Variants in MYOF observed in about 807,000 individuals in gnomAD.
MYOF encodes the protein myoferlin.
MYOF carries 244 observed loss-of-function variants against 284.2 expected under a neutral mutation model. The observed-to-expected ratio is 0.86, with a 90% CI of 0.77 to 0.95. The LOEUF (loss-of-function observed/expected upper bound fraction) is 0.95, where lower values mean the gene tolerates loss of function less well. Among genes scored for constraint, MYOF ranks in the 40% least tolerant of loss-of-function variants. The pLI, the probability that MYOF is intolerant of heterozygous loss-of-function variation, is 0.00. For missense variants in MYOF, 2,496 were observed against 2,560.6 expected, an observed-to-expected ratio of 0.97 and a Z score of 0.54; for synonymous variants, 904 against 919.7, an observed-to-expected ratio of 0.98 and a Z score of 0.31.
At chr10:93,436,381 T>C (rs1276397286) in intron 3 of MYOF, among the ~76,000 whole-genome samples, 2 of 152,210 alleles carry the variant, frequency 1.3e-5, no homozygotes, top group Non-Finnish European at 2.9e-5. Flanking sequence ...CTTTTAGAAA[T>C]CTTTAGTTCC....
chr10:93,371,061 G>A (rs1340381035), intron 24 of MYOF, among the ~76,000 whole-genome samples: 4 of 128,120 alleles, frequency 3.1e-5, no homozygotes, highest in Non-Finnish European at 4.7e-5. Flanking sequence ...TGATTTCAAA[G>A]TGTGTTTTTT....
At chr10:93,323,412 G>T (rs1842920045) in intron 46 of MYOF, 54 bp from the exon 47 acceptor site, 2 of 1,441,884 alleles carry the variant, frequency 1.4e-6, no homozygotes, top group Non-Finnish European at 9.5e-7. Flanking sequence ...GGTAGCAGAA[G>T]TCACAATTTT....
intron 44 of MYOF, 94 bp downstream of exon 44, chr10:93,329,570 A>T: frequency 7.7e-7 from 1 of 1,306,420 alleles, no homozygotes; most frequent in Non-Finnish European, 1.1e-6. Context: ...GCAGTGGCTC[A>T]GTGAAGGAAG....
chr10:93,439,030 A>G (rs2056163381), intron 3 of MYOF, among the ~76,000 whole-genome samples: 1 of 152,152 alleles, frequency 6.6e-6, no homozygotes, highest in African/African-American at 2.4e-5. Context: ...TCTCGCCTCT[A>G]CTTTTAGCTC....
In MYOF at chr10:93,421,305, A is replaced by G. The variant is rs529124813; in HGVS notation, c.433+4766T>C. On this transcript the variant is annotated intron_variant, in intron 5 of 53. Transcript: ENST00000359263. The stretch of plus-strand genomic sequence containing the variant: ...TCCTGCTTATGTCATTAAGGTATGC[A>G]ATGCCAAGAGGTATGGCTGTCTTGC... 2.0e-5 allele frequency among the ~76,000 whole-genome samples: 3 copies of G among 152,316 alleles called. No homozygotes were observed. The South Asian group carries it at 6.2e-4, about 32-fold the overall frequency.
At position 93,349,872 on chromosome 10, in the gene MYOF, G is replaced by A. The variant is rs780384647; in HGVS notation, c.4019C>T (p.Ser1340Leu). ...VVECGGERVE[S>L]VVIKNLKKTP... ...CTTCTTAAGGTTTTTGATCACCACC[G>A]ATTCCACCCTTTCTCCTCCACACTC... Residue 1340 changes from serine to leucine, a missense_variant, in exon 36 of 54, where the codon TCG (serine) becomes TTG (leucine). Ser to Leu is a moderately radical substitution (Grantham distance 145). This residue lies in a region of MYOF where 2,436 missense variants were observed against 2,480.7 expected (regional missense o/e 0.98). Coordinates refer to ENST00000359263, the MANE Select transcript of MYOF (RefSeq NM_013451.4). 1.3e-5 allele frequency: 21 copies of A among 1,613,930 alleles called. No individual in the cohort carries two copies. The Admixed American group carries it at 2.3e-4, about 18-fold the overall frequency.
Position 93,359,961 on chromosome 10 carries a change from T to C in MYOF, c.2992A>G (p.Thr998Ala), listed in dbSNP as rs1844991681. The change falls in exon 29 of 54, where the codon ACC becomes GCC. Residue 998 changes from threonine (T) to alanine (A), a missense_variant. Thr to Ala is a moderately conservative substitution (Grantham distance 58). Around this residue, in one of 3 missense-constraint regions of MYOF, gnomAD observed 2,436 missense variants for 2,480.7 expected, o/e 0.98. Coordinates refer to ENST00000359263, the MANE Select transcript of MYOF (RefSeq NM_013451.4). ...VDEKGWEYGI[T>A]IPPDHKPKSW... ...TTGGGCTTATGATCAGGAGGAATGG[T>C]GATTCCATATTCCCAGCCTGGAACA... 2 of 1,614,090 alleles carry C rather than the reference T, an allele frequency of 1.2e-6. No homozygotes were observed. Among genetic ancestry groups the C allele is most frequent in the Admixed American group, 3.3e-5 (2 of 60,006 alleles).
At chr10:93,310,486 T>G (rs1412199553) in intron 52 of MYOF, 48 bp downstream of exon 52, 1 of 1,578,286 alleles carries the variant, frequency 6.3e-7, no homozygotes, top group Admixed American at 1.7e-5. Context: ...AGGGGGGCTC[T>G]CAGCCTGCAG....
At chr10:93,393,002 T>C in intron 16 of MYOF, 47 bp from the exon 17 acceptor site, 1 of 1,508,334 alleles carries the variant, frequency 6.6e-7, no homozygotes, top group Non-Finnish European at 9.2e-7. Flanking sequence ...ACACGGGCAT[T>C]ATAAAACAGA....
At chr10:93,376,391 G>T (rs1845836251) in intron 22 of MYOF, among the ~76,000 whole-genome samples, 1 of 152,162 alleles carries the variant, frequency 6.6e-6, no homozygotes, top group Admixed American at 6.5e-5. Flanking sequence ...GGCAAACCCA[G>T]CTCTGGGCAT....
Position 93,396,044 on chromosome 10 carries a change from C to T in MYOF, c.1417+98G>A, listed in dbSNP as rs188952526. 9 of 889,926 alleles carry T rather than the reference C, an allele frequency of 1.0e-5. No individual in the cohort carries two copies. The African/African-American group carries it at 1.5e-4, about 15-fold the overall frequency. The allele number at this position is 889,926 out of a possible 1,614,324, so 55.1% of individuals were successfully genotyped here. ...TTCATCACATTTGGCTTCTAAGAAA[C>T]CAAACCTACTGTGAGGTGGCTACCC... is the stretch of plus-strand genomic sequence containing the variant. On this transcript the variant is annotated intron_variant, in intron 16 of 53. Transcript: ENST00000359263.
intron 43 of MYOF, among the ~76,000 whole-genome samples, chr10:93,332,065 T>C (rs1843332191): frequency 1.3e-5 from 2 of 152,134 alleles, no homozygotes; most frequent in Admixed American, 6.5e-5. Flanking sequence ...CCCACCTCTA[T>C]TAATAGAGCT....
At chr10:93,377,810 T>C (rs184763068) in intron 21 of MYOF, among the ~76,000 whole-genome samples, 46 of 152,254 alleles carry the variant, frequency 3.0e-4, no homozygotes, top group African/African-American at 9.9e-4. Flanking sequence ...AGTAAATATA[T>C]TGAGGATAAC....
At chr10:93,451,985 C>A (rs1268029182) in intron 3 of MYOF, 65 bp downstream of exon 3, 33 of 1,164,772 alleles carry the variant, frequency 2.8e-5, no homozygotes, top group Non-Finnish European at 3.9e-5. Context: ...TGTGTCTCTT[C>A]AACAAAATAA....
rs113854100 is a variant in MYOF, at chr10:93,468,348, A to C, written c.89-11411T>G. Among the ~76,000 whole-genome samples, 209 of 152,336 alleles carry C rather than the reference A, an allele frequency of 1.4e-3. 2 individuals carry two copies. The highest frequency in any genetic ancestry group is 4.7e-3 in the African/African-American group (194 of 41,584). ...CCCGAGTGTCCTCTAAAAAGGGGAT[A>C]CAAAAGCCCACCTGGTAGAATTGCA... On this transcript the variant is annotated intron_variant, in intron 1 of 53. Coordinates refer to ENST00000359263, the MANE Select transcript of MYOF (RefSeq NM_013451.4).
intron 53 of MYOF, among the ~76,000 whole-genome samples, 195 bp from the exon 54 acceptor site, chr10:93,307,196 G>GCC (rs983221006): frequency 5.8e-4 from 62 of 107,220 alleles, no homozygotes; most frequent in African/African-American, 2.0e-3. Flanking sequence ...GCACCCCCCC[G>GCC]CCAAGTTGTT....
chr10:93,343,955 A>T, intron 37 of MYOF, 23 bp from the exon 38 acceptor site: 1 of 1,613,512 alleles, frequency 6.2e-7, no homozygotes, highest in Non-Finnish European at 8.5e-7. Context: ...TACTTTCTTA[A>T]TCTAAGATAC....
At chr10:93,447,459 A>C (rs753930638) in intron 3 of MYOF, among the ~76,000 whole-genome samples, 4 of 152,156 alleles carry the variant, frequency 2.6e-5, no homozygotes, top group Non-Finnish European at 5.9e-5. Context: ...TCTTTGTGAT[A>C]GTTTAAGCCC....
At chr10:93,437,647 C>T (rs554877203) in intron 3 of MYOF, among the ~76,000 whole-genome samples, 38 of 152,336 alleles carry the variant, frequency 2.5e-4, no homozygotes, top group African/African-American at 8.4e-4. Context: ...GGGACAAACA[C>T]GATTCCAGGC....
Sources: allele counts gnomAD v4.1 joint callset (sites outside exome capture counted in the v4.1 genomes callset), GRCh38; gene constraint gnomAD v4.1.1; regional missense constraint gnomAD v4.1.1; transcripts MANE v1.5; gene names NCBI Gene and HGNC (gene_info 2026-07-23, HGNC 2026-07-21).